Variants in SLC26A6 observed in about 807,000 individuals in gnomAD.
The protein encoded by SLC26A6 is anion exchange transporter.
A neutral mutation model predicts 87.1 loss-of-function variants in SLC26A6; 67 were observed. The observed-to-expected ratio is 0.77, with a 90% CI of 0.63 to 0.94. The LOEUF (loss-of-function observed/expected upper bound fraction) is 0.94, where lower values mean the gene tolerates loss of function less well. SLC26A6 is among the 40% of genes least tolerant of loss of function. The pLI, the probability that SLC26A6 is intolerant of heterozygous loss-of-function variation, is 0.00. For synonymous variants in SLC26A6, 414 were observed against 405.9 expected (o/e 1.02, Z -0.24); for missense variants, 902 against 973.0 (o/e 0.93, Z 0.97).
intron 11 of SLC26A6, 80 bp downstream of exon 11, chr3:48,630,358 C>A (rs2046749395): frequency 1.4e-6 from 2 of 1,458,988 alleles, no homozygotes; most frequent in African/African-American, 1.4e-5. Context: ...TGTGTCCCCA[C>A]CCCTCGCCTG....
chr3:48,631,421 A>C, intron 7 of SLC26A6, 115 bp from the exon 8 acceptor site: 3 of 1,252,196 alleles, frequency 2.4e-6, no homozygotes, highest in Non-Finnish European at 2.2e-6. Flanking sequence ...CGAGGGTGGG[A>C]AAAAGTCACG....
At chr3:48,629,535 G>C (rs1431422289) in intron 14 of SLC26A6, 107 bp downstream of exon 14, 4 of 1,261,486 alleles carry the variant, frequency 3.2e-6, no homozygotes, top group Non-Finnish European at 1.1e-6. Context: ...CAAAGCCAAA[G>C]TATCCTCAGC....
At position 48,635,409 on chromosome 3, in the gene SLC26A6, C is replaced by G; in HGVS notation, c.-16G>C. On this transcript the variant is annotated 5_prime_UTR_variant, in exon 1 of 21. Transcript: ENST00000395550. ...CCAGCCCCATGGCTCGCAAGTTGTC[C>G]GGTGCGGGCTGCTCCTGCTGCTCGA... 6.3e-7 allele frequency: 1 copy of G among 1,580,240 alleles called. No homozygotes were observed. Among genetic ancestry groups the G allele is most frequent in the East Asian group, 2.3e-5 (1 of 42,912 alleles).
intron 1 of SLC26A6, 76 bp from the exon 2 acceptor site, chr3:48,633,711 G>A: frequency 1.9e-6 from 3 of 1,565,076 alleles, no homozygotes; most frequent in South Asian, 2.4e-5. Flanking sequence ...CCTAGGACCA[G>A]AGAGTTACCT....
At chr3:48,632,677 T>C (rs2046838835) in intron 4 of SLC26A6, 2 of 686,672 alleles carry the variant, frequency 2.9e-6, no homozygotes, top group African/African-American at 3.5e-5. Flanking sequence ...CTCTGTGGAG[T>C]AGGGAAGGGG....
rs1252769029 is a variant in SLC26A6, at chr3:48,635,373, C to G, written c.21G>C (p.Ser7=). MGLADA[S]GPRDTQALLS... ...CCGGGAATGTGCGCTGAACTCACCC[C>G]GACGCATCCGCCAGCCCCATGGCTC... The change falls in exon 1 of 21, where the codon TCG becomes TCC. Residue 7 remains serine, a splice_region_variant and synonymous_variant. Coordinates refer to ENST00000395550, the MANE Select transcript of SLC26A6 (RefSeq NM_022911.3). 6.3e-7 allele frequency: 1 copy of G among 1,588,366 alleles called. No homozygotes were observed. Among genetic ancestry groups the G allele is most frequent in the Admixed American group, 1.7e-5 (1 of 57,230 alleles).
Position 48,631,128 on chromosome 3 carries a change from T to G in SLC26A6, c.999A>C (p.Pro333=), listed in dbSNP as rs1405359130. Residue 333 remains proline, a synonymous_variant, in exon 9 of 21, where the codon CCA becomes CCC. Transcript: ENST00000395550. ...VGNIPAGLVP[P]VAPNTQLFSK... is the part of the protein sequence containing the mutation. Reference sequence around the variant, plus strand: ...AGAACAGCTGGGTGTTGGGGGCCACTGGGGGCACCAGCCTGTGAGAGGTAT... The same window carrying G: ...AGAACAGCTGGGTGTTGGGGGCCACGGGGGGCACCAGCCTGTGAGAGGTAT... 1 of 1,613,488 alleles carries G rather than the reference T, an allele frequency of 6.2e-7. No individual in the cohort carries two copies. Among genetic ancestry groups the G allele is most frequent in the African/African-American group, 1.3e-5 (1 of 74,918 alleles).
chr3:48,632,468 G>T (rs2046832381), intron 4 of SLC26A6, 72 bp from the exon 5 acceptor site: 27 of 1,537,628 alleles, frequency 1.8e-5, no homozygotes, highest in Non-Finnish European at 2.3e-5. Flanking sequence ...GGTCTTAAGA[G>T]AGAGGCCAGG....
Position 48,626,249 on chromosome 3 carries a change from TG to T in SLC26A6, c.2233del (p.His745ThrfsTer94). The T allele has an allele frequency of 6.2e-7, 1 of 1,613,600 alleles. No individual in the cohort carries two copies. On this transcript the variant is annotated frameshift_variant, in exon 20 of 21. Transcript: ENST00000395550. LOFTEE classifies it high-confidence loss of function. ...AGGGCTGTCGGGGACAGGCCTCGGGTGTTGGAGGGCAAAGGTGACAGCATCA... is the reference window on the plus strand; with the variant it reads ...AGGGCTGTCGGGGACAGGCCTCGGGTTTGGAGGGCAAAGGTGACAGCATCA... Reference protein sequence around the residue: ...VHDAVTFALQHPRPVPDSPVS... With the variant: ...VHDAVTFALQXPRPVPDSPVS...
intron 7 of SLC26A6, 24 bp from the exon 8 acceptor site, chr3:48,631,330 G>T: frequency 6.5e-7 from 1 of 1,546,884 alleles, no homozygotes; most frequent in Non-Finnish European, 8.7e-7. Flanking sequence ...CAGAGTCAGG[G>T]AGGCAGGTGC....
chr3:48,630,142 T>G lies in SLC26A6; in HGVS notation c.1342A>C (p.Ile448Leu). 6.2e-7 allele frequency: 1 copy of G among 1,608,696 alleles called. No homozygotes were observed. Among genetic ancestry groups the G allele is most frequent in the Non-Finnish European group, 8.5e-7 (1 of 1,176,034 alleles). ...HDLPKAVLAA[I>L]IIVNLKGMLR... is the part of the protein sequence containing the mutation. ...ATGCCCTTCAGGTTCACAATGATGA[T>G]GGCTGCCAGGACCGCCTGGGGTGGG... The change falls in exon 12 of 21, where the codon ATC (isoleucine) becomes CTC (leucine). Residue 448 changes from isoleucine to leucine, a missense_variant. By Grantham distance (5) the Ile-to-Leu change is conservative. Around this residue, in one of 3 missense-constraint regions of SLC26A6, gnomAD observed 800 missense variants for 856.8 expected, o/e 0.93. Coordinates refer to ENST00000395550, the MANE Select transcript of SLC26A6 (RefSeq NM_022911.3).
Position 48,626,676 on chromosome 3 carries a change from C to G in SLC26A6, c.2083G>C (p.Asp695His). The G allele has an allele frequency of 1.2e-6, 2 of 1,614,094 alleles. No individual in the cohort carries two copies. Among genetic ancestry groups the G allele is most frequent in the Non-Finnish European group, 1.7e-6 (2 of 1,180,028 alleles). ...ACCTCCACCTCAATCTCCCGGAAGT[C>G]ATGGAAAATCTGTAGCGGAAAAGGG... ...CLKSLKNIFHDFREIEVEVYM... is the reference protein window; with the variant it reads ...CLKSLKNIFHHFREIEVEVYM... The change falls in exon 19 of 21, where the codon GAC becomes CAC. Residue 695 changes from aspartate (D) to histidine (H), a missense_variant. Coordinates refer to ENST00000395550, the MANE Select transcript of SLC26A6 (RefSeq NM_022911.3).
intron 17 of SLC26A6, 36 bp downstream of exon 17, chr3:48,627,910 C>T: frequency 6.4e-7 from 1 of 1,563,268 alleles, no homozygotes; most frequent in East Asian, 2.4e-5. Context: ...CTCTGCAGCT[C>T]ACAGCTGTCA....
At chr3:48,627,586 C>T (rs1218723496) in intron 17 of SLC26A6, 12 of 193,280 alleles carry the variant, frequency 6.2e-5, no homozygotes, top group Admixed American at 3.0e-4. Context: ...ATGATTTTCC[C>T]GCCTTAGCCT....
chr3:48,634,947 T>C lies in SLC26A6; in HGVS notation c.23+424A>G, dbSNP rs1474721666. On this transcript the variant is annotated intron_variant, in intron 1 of 20. Coordinates refer to ENST00000395550, the MANE Select transcript of SLC26A6 (RefSeq NM_022911.3). ...AGCCTTGATCATTGGCCCCTCCCTG[T>C]AGGAAGGCAACTGGGGCCAGAAAGG... Among the ~76,000 whole-genome samples, 4 of 152,220 alleles carry C rather than the reference T, an allele frequency of 2.6e-5. No individual in the cohort carries two copies. In the East Asian group the frequency reaches 7.7e-4, roughly 29 times the overall value.
chr3:48,631,877 C>T lies in SLC26A6; in HGVS notation c.750+3G>A, dbSNP rs2046807180. 6.2e-7 allele frequency: 1 copy of T among 1,613,478 alleles called. No individual in the cohort carries two copies. Among genetic ancestry groups the T allele is most frequent in the Non-Finnish European group, 8.5e-7 (1 of 1,180,014 alleles). On this transcript the variant is annotated splice_donor_region_variant and intron_variant, in intron 6 of 20. Coordinates refer to ENST00000395550, the MANE Select transcript of SLC26A6 (RefSeq NM_022911.3). ...ACCCCTCCCTCCCCCTACCCTCACTCACATAGATGAGGGACAGTGGCCCAG... is the reference window on the plus strand; with the variant it reads ...ACCCCTCCCTCCCCCTACCCTCACTTACATAGATGAGGGACAGTGGCCCAG...
chr3:48,631,301 G>C lies in SLC26A6; in HGVS notation c.909C>G (p.Ile303Met). ...MPIPGELLTL[I>M]GATGISYGMG... is the part of the protein sequence containing the mutation. ...TGCCATAGGAGATGCCTGTGGCCCC[G>C]ATGAGCTGTGGGAGAGGACAGAGTC... Residue 303 changes from isoleucine to methionine, a missense_variant, in exon 8 of 21, where the codon ATC becomes ATG. Transcript: ENST00000395550. The C allele has an allele frequency of 6.3e-7, 1 of 1,591,046 alleles. No homozygotes were observed. The highest frequency in any genetic ancestry group is 8.6e-7 in the Non-Finnish European group (1 of 1,167,758).
intron 7 of SLC26A6, 169 bp from the exon 8 acceptor site, chr3:48,631,475 CT>C (rs2046790292): frequency 1.8e-6 from 2 of 1,091,408 alleles, no homozygotes; most frequent in East Asian, 5.2e-5. Context: ...TGGGGAGATG[CT>C]GTCAGGGGCA....
At chr3:48,633,727 A>G (rs2046878204) in intron 1 of SLC26A6, 92 bp from the exon 2 acceptor site, 3 of 1,544,126 alleles carry the variant, frequency 1.9e-6, no homozygotes, top group Non-Finnish European at 2.6e-6. Context: ...TACCTACCTG[A>G]TTTTTCCAGG....
Sources: allele counts gnomAD v4.1 joint callset (sites outside exome capture counted in the v4.1 genomes callset), GRCh38; gene constraint gnomAD v4.1.1; regional missense constraint gnomAD v4.1.1; transcripts MANE v1.5; gene names NCBI Gene and HGNC (gene_info 2026-07-23, HGNC 2026-07-21).